Variants in SPATS2L observed in about 807,000 individuals in gnomAD.
The protein encoded by SPATS2L is SPATS2-like protein.
In SPATS2L, 30 loss-of-function variants were observed where a neutral mutation model predicts 59.6. The ratio of observed to expected loss-of-function variants is 0.50; its 90% confidence interval spans 0.38 to 0.68. The LOEUF (loss-of-function observed/expected upper bound fraction) is 0.68, where lower values mean the gene tolerates loss of function less well. Among genes scored for constraint, SPATS2L ranks in the 30% least tolerant of loss-of-function variants. SPATS2L has a pLI of 0.00. For synonymous variants in SPATS2L, 252 were observed against 263.5 expected (o/e 0.96, Z 0.42); for missense variants, 615 against 700.0 (o/e 0.88, Z 1.37).
intron 8 of SPATS2L, among the ~76,000 whole-genome samples, chr2:200,447,031 AAAAATTAAGAACC>A (rs1455521693): frequency 3.3e-5 from 5 of 152,208 alleles, no homozygotes; most frequent in African/African-American, 9.7e-5. Context: ...AAGAAAATGG[AAAAATTAAGAACC>A]AAAGGTTGTA....
chr2:200,333,297 G>C (rs1274644696), intron 2 of SPATS2L, among the ~76,000 whole-genome samples: 1 of 150,422 alleles, frequency 6.6e-6, no homozygotes, highest in Non-Finnish European at 1.5e-5. Flanking sequence ...AAAAAAAAGA[G>C]AGAGAGAGAA....
intron 2 of SPATS2L, among the ~76,000 whole-genome samples, chr2:200,335,466 G>A (rs754663975): frequency 2.0e-5 from 3 of 152,138 alleles, no homozygotes; most frequent in Non-Finnish European, 2.9e-5. Context: ...CAAGGGTGCT[G>A]GCAATATTGT....
At chr2:200,381,154 T>C (rs966228641) in intron 2 of SPATS2L, among the ~76,000 whole-genome samples, 3 of 152,230 alleles carry the variant, frequency 2.0e-5, no homozygotes, top group Admixed American at 2.0e-4. Flanking sequence ...ATCTCAGTTT[T>C]GAAGAAGGAG....
chr2:200,317,067 G>A (rs896144799), intron 1 of SPATS2L, among the ~76,000 whole-genome samples: 1 of 152,162 alleles, frequency 6.6e-6, no homozygotes, highest in Non-Finnish European at 1.5e-5. Context: ...TGAGAAAGGT[G>A]GCCGCCTTTA....
intron 2 of SPATS2L, among the ~76,000 whole-genome samples, chr2:200,350,741 G>GC (rs1221508015): frequency 6.6e-6 from 1 of 152,000 alleles, no homozygotes; most frequent in African/African-American, 2.4e-5. Context: ...CACCATGTTG[G>GC]CCAGGCTGGT....
chr2:200,466,929 A>G (rs903414707), intron 9 of SPATS2L, among the ~76,000 whole-genome samples: 2 of 152,240 alleles, frequency 1.3e-5, no homozygotes, highest in Admixed American at 6.5e-5. Context: ...TCTTGGCGGT[A>G]TCACTCAGAG....
At chr2:200,350,667 G>A (rs909174638) in intron 2 of SPATS2L, among the ~76,000 whole-genome samples, 4 of 152,108 alleles carry the variant, frequency 2.6e-5, no homozygotes, top group Non-Finnish European at 4.4e-5. Flanking sequence ...GGGACTACAG[G>A]TGTGTGCCAC....
At chr2:200,323,971 G>C (rs2079647697) in intron 1 of SPATS2L, among the ~76,000 whole-genome samples, 1 of 152,188 alleles carries the variant, frequency 6.6e-6, no homozygotes, top group African/African-American at 2.4e-5. Context: ...CCGTGCAGAG[G>C]TTTTTGGAGG....
chr2:200,389,418 A>G (rs1485229995), intron 3 of SPATS2L, 135 bp downstream of exon 3: 12 of 604,122 alleles, frequency 2.0e-5, no homozygotes, highest in Non-Finnish European at 3.5e-5. Context: ...CACAACAGTA[A>G]ACTGTTCAGC....
intron 6 of SPATS2L, among the ~76,000 whole-genome samples, chr2:200,430,532 A>T (rs573747905): frequency 1.3e-5 from 2 of 151,896 alleles, no homozygotes; most frequent in Admixed American, 6.5e-5. Flanking sequence ...GATTTTTTTT[A>T]AATGATATTA....
At chr2:200,437,295 C>T (rs562837980) in intron 6 of SPATS2L, among the ~76,000 whole-genome samples, 9 of 152,270 alleles carry the variant, frequency 5.9e-5, no homozygotes, top group Non-Finnish European at 1.2e-4. Flanking sequence ...CCAGTTTGGA[C>T]GTGTCATTGT....
At chr2:200,406,541 T>C (rs1014195082) in intron 3 of SPATS2L, among the ~76,000 whole-genome samples, 1 of 152,146 alleles carries the variant, frequency 6.6e-6, no homozygotes, top group African/African-American at 2.4e-5. Flanking sequence ...TCATCTGCAC[T>C]CCAGCTTCTC....
intron 2 of SPATS2L, among the ~76,000 whole-genome samples, chr2:200,333,303 G>A (rs1468678457): frequency 1.3e-5 from 2 of 150,344 alleles, no homozygotes; most frequent in South Asian, 2.1e-4. Flanking sequence ...AAGAGAGAGA[G>A]AGAAAGAAAA....
intron 11 of SPATS2L, 95 bp from the exon 12 acceptor site, chr2:200,472,737 G>A: frequency 9.4e-7 from 1 of 1,067,054 alleles, no homozygotes; most frequent in Non-Finnish European, 1.4e-6. Context: ...TGGAGCTCCT[G>A]GCCAGTTTCT....
At chr2:200,388,298 G>A (rs901592094) in intron 2 of SPATS2L, among the ~76,000 whole-genome samples, 2 of 152,060 alleles carry the variant, frequency 1.3e-5, no homozygotes, top group Non-Finnish European at 2.9e-5. Flanking sequence ...GAGGACAGGT[G>A]CATGGCTCAC....
chr2:200,369,514 AT>A (rs1218973897), intron 2 of SPATS2L, among the ~76,000 whole-genome samples: 3 of 152,162 alleles, frequency 2.0e-5, no homozygotes, highest in African/African-American at 7.2e-5. Context: ...CCAAGAACAA[AT>A]ATCAAAGAGA....
chr2:200,385,515 G>A (rs2081961700), intron 2 of SPATS2L, among the ~76,000 whole-genome samples: 1 of 152,102 alleles, frequency 6.6e-6, no homozygotes, highest in Admixed American at 6.5e-5. Flanking sequence ...AGTACATGAT[G>A]TTATGCAGGG....
chr2:200,378,582 A>G (rs2081682819), intron 2 of SPATS2L, among the ~76,000 whole-genome samples: 1 of 152,222 alleles, frequency 6.6e-6, no homozygotes, highest in Non-Finnish European at 1.5e-5. Context: ...TCAAGGAACT[A>G]GGAAGAAAAC....
chr2:200,373,951 A>T (rs887874504), intron 2 of SPATS2L, among the ~76,000 whole-genome samples: 5 of 152,194 alleles, frequency 3.3e-5, no homozygotes, highest in Non-Finnish European at 7.3e-5. Context: ...CTGGGATAGG[A>T]TGAGAAGGAA....
Sources: allele counts gnomAD v4.1 joint callset (sites outside exome capture counted in the v4.1 genomes callset), GRCh38; gene constraint gnomAD v4.1.1; transcripts MANE v1.5; gene names NCBI Gene and HGNC (gene_info 2026-07-23, HGNC 2026-07-21).